Variants in SHBG observed in about 807,000 individuals in gnomAD.
SHBG encodes the protein sex hormone-binding globulin.
In SHBG, 37 loss-of-function variants were observed where a neutral mutation model predicts 41.9. The ratio of observed to expected loss-of-function variants is 0.88; its 90% CI spans 0.68 to 1.16. The LOEUF (loss-of-function observed/expected upper bound fraction) is 1.16, where lower values mean the gene tolerates loss of function less well. Ranked by LOEUF, SHBG falls within the 50% of genes most tolerant of loss-of-function variation. The probability of loss-of-function intolerance (pLI) is 0.00; values close to 1 mark genes in which losing one functional copy is unlikely to be tolerated. For missense variants in SHBG, 466 were observed against 499.9 expected, an observed-to-expected ratio of 0.93 and a Z score of 0.65; for synonymous variants, 217 against 205.8, an observed-to-expected ratio of 1.05 and a Z score of -0.47.
At chr17:7,614,433 A>G in intron 1 of SHBG, 1 of 1,515,994 alleles carries the variant, frequency 6.6e-7, no homozygotes. Flanking sequence ...CGGCGTCCCC[A>G]GTCGGCGCGC....
intron 1 of SHBG, among the ~76,000 whole-genome samples, chr17:7,618,679 G>A (rs764267168): frequency 5.9e-5 from 9 of 151,848 alleles, no homozygotes; most frequent in Non-Finnish European, 1.3e-4. Context: ...TTTACCTCCC[G>A]GTACTCTTTC....
chr17:7,631,134 G>A (rs2150968475), intron 3 of SHBG, 66 bp from the exon 4 acceptor site: 1 of 1,445,502 alleles, frequency 6.9e-7, no homozygotes, highest in Non-Finnish European at 9.3e-7. Flanking sequence ...GTACTAGGCT[G>A]CCTCACAGGA....
chr17:7,628,266 T>G (rs2072289015), upstream of SHBG: 1 of 227,778 alleles, frequency 4.4e-6, no homozygotes, highest in Non-Finnish European at 8.8e-6. Flanking sequence ...TATATTTATT[T>G]ATTTATTTAT....
At chr17:7,625,996 G>A (rs1389332985), upstream of SHBG, among the ~76,000 whole-genome samples, 3 of 150,092 alleles carry the variant, frequency 2.0e-5, no homozygotes, top group Non-Finnish European at 3.0e-5. Flanking sequence ...GAGATCAGGA[G>A]TTGGAGACCA....
At chr17:7,620,243 A>G (rs900592880) in intron 1 of SHBG, among the ~76,000 whole-genome samples, 5 of 152,096 alleles carry the variant, frequency 3.3e-5, no homozygotes, top group Non-Finnish European at 5.9e-5. Flanking sequence ...AAGTGGGAGG[A>G]TTGCTTGAGC....
chr17:7,621,160 G>C (rs115958102), intron 1 of SHBG, among the ~76,000 whole-genome samples: 1,417 of 110,358 alleles, frequency 0.013, 188 homozygotes, highest in African/African-American at 0.047. Context: ...CAGTTGGTTA[G>C]AGCCAGGTGC....
rs1413933210 is a variant in SHBG at position 7,630,596 on chromosome 17, T to TCTTC, written c.204-82_204-81insTCCT. On this transcript the variant is annotated intron_variant, in intron 2 of 7. Transcript: ENST00000380450. The surrounding 1 kb of genome is among the most constrained non-coding windows in gnomAD (Gnocchi z 4.6). ...TCTTTTCCCTGTCTTCCTTTCCTTATCTGTGAACACCATCTCCCCCAAACC... is the reference window on the plus strand; with the variant it reads ...TCTTTTCCCTGTCTTCCTTTCCTTATCTTCCTGTGAACACCATCTCCCCCAAACC... The TCTTC allele has an allele frequency of 3.9e-6, 6 of 1,537,124 alleles. No homozygotes were observed. The highest frequency in any genetic ancestry group is 1.4e-5 in the African/African-American group (1 of 73,372).
At chr17:7,626,206 A>G (rs1482167067), upstream of SHBG, 11 of 397,502 alleles carry the variant, frequency 2.8e-5, no homozygotes, top group African/African-American at 1.7e-4. Flanking sequence ...AAAAAAAAAA[A>G]GAAATAAAAG....
intron 1 of SHBG, among the ~76,000 whole-genome samples, chr17:7,616,424 G>A (rs191780270): frequency 9.5e-5 from 13 of 136,934 alleles, no homozygotes; most frequent in African/African-American, 3.1e-4. Context: ...TGGCTAACAC[G>A]GTGAAACCCC....
chr17:7,631,528 G>A (rs201195906), intron 4 of SHBG, 61 bp from the exon 5 acceptor site: 1 of 1,598,870 alleles, frequency 6.3e-7, no homozygotes, highest in East Asian at 2.2e-5. Context: ...AGGGAGGTCG[G>A]GACTGCGGCT....
At chr17:7,622,810 A>ACC (rs1252413218) in intron 1 of SHBG, among the ~76,000 whole-genome samples, 5 of 150,442 alleles carry the variant, frequency 3.3e-5, no homozygotes, top group African/African-American at 4.9e-5. Flanking sequence ...TGGTCAGATC[A>ACC]TTAGGTCAGG....
chr17:7,630,630 T>C lies in SHBG; in HGVS notation c.204-50T>C, dbSNP rs375290291. ...ACCATCTCCCCCAAACCCACACTGG[T>C]TCTCAAAGGACACATGACATACACA... On this transcript the variant is annotated intron_variant, in intron 2 of 7. Coordinates refer to ENST00000380450, the MANE Select transcript of SHBG (RefSeq NM_001040.5). This position sits in a 1 kb window ranked among gnomAD's most constrained non-coding sequence, Gnocchi z 4.6. The C allele has an allele frequency of 2.5e-6, 4 of 1,575,430 alleles. No individual in the cohort carries two copies. Among genetic ancestry groups the C allele is most frequent in the Non-Finnish European group, 3.5e-6 (4 of 1,146,526 alleles).
chr17:7,630,629 G>A lies in SHBG; in HGVS notation c.204-51G>A. On this transcript the variant is annotated intron_variant, in intron 2 of 7. Transcript: ENST00000380450. The surrounding 1 kb of genome is among the most constrained non-coding windows in gnomAD (Gnocchi z 4.6). ...CACCATCTCCCCCAAACCCACACTG[G>A]TTCTCAAAGGACACATGACATACAC... 6.4e-7 allele frequency: 1 copy of A among 1,573,806 alleles called. No individual in the cohort carries two copies. Among genetic ancestry groups the A allele is most frequent in the Non-Finnish European group, 8.7e-7 (1 of 1,145,174 alleles).
intron 1 of SHBG, chr17:7,614,768 G>A (rs2150951603): frequency 8.7e-6 from 2 of 229,142 alleles, no homozygotes; most frequent in Non-Finnish European, 8.3e-6. Context: ...GGAAACGGCC[G>A]CCGCCGCCGC....
intron 1 of SHBG, among the ~76,000 whole-genome samples, chr17:7,616,685 C>T (rs1198034537): frequency 6.6e-6 from 1 of 151,938 alleles, no homozygotes; most frequent in Non-Finnish European, 1.5e-5. Context: ...CGCCTGTAAT[C>T]CCAGCACTTT....
chr17:7,629,277 C>T (rs1282337866), upstream of SHBG, among the ~76,000 whole-genome samples: 3 of 151,632 alleles, frequency 2.0e-5, no homozygotes, highest in African/African-American at 7.3e-5. Flanking sequence ...ACTAAGGAGG[C>T]TGAGACAGGA....
chr17:7,626,543 C>T (rs781141966), upstream of SHBG: 1 of 1,614,206 alleles, frequency 6.2e-7, no homozygotes, highest in South Asian at 1.1e-5. Flanking sequence ...GGGCCTTGTA[C>T]AAGTCCATGG....
At chr17:7,617,448 C>T (rs1020862506) in intron 1 of SHBG, among the ~76,000 whole-genome samples, 1 of 151,658 alleles carries the variant, frequency 6.6e-6, no homozygotes, top group Admixed American at 6.6e-5. Flanking sequence ...ACTAAAAATA[C>T]AAAAATTAGC....
At chr17:7,618,495 C>T (rs558333610) in intron 1 of SHBG, among the ~76,000 whole-genome samples, 54 of 151,552 alleles carry the variant, frequency 3.6e-4, no homozygotes, top group Admixed American at 7.9e-4. Context: ...TTAGTAAAGA[C>T]GGGGTTTCAC....
Sources: allele counts gnomAD v4.1 joint callset (sites outside exome capture counted in the v4.1 genomes callset), GRCh38; gene constraint gnomAD v4.1.1; non-coding constraint Gnocchi (gnomAD v3.1); transcripts MANE v1.5; gene names NCBI Gene and HGNC (gene_info 2026-07-23, HGNC 2026-07-21).